Variants in MAPK10 observed in about 807,000 individuals in gnomAD.
MAPK10 encodes the protein JNK3 alpha protein kinase.
A neutral mutation model predicts 59.3 loss-of-function variants in MAPK10; 25 were observed. That is an observed-to-expected ratio of 0.42 (90% CI 0.31 to 0.59). The LOEUF (loss-of-function observed/expected upper bound fraction) is 0.59, where lower values mean the gene tolerates loss of function less well. Among genes scored for constraint, MAPK10 ranks in the 20% least tolerant of loss-of-function variants. MAPK10 has a pLI of 0.15. For synonymous variants in MAPK10, 190 were observed against 200.5 expected, an observed-to-expected ratio of 0.95 and a Z score of 0.44; for missense variants, 351 against 568.9, an observed-to-expected ratio of 0.62 and a Z score of 3.90.
Position 86,102,134 on chromosome 4 carries a change from C to G in MAPK10, c.426-102G>C, listed in dbSNP as rs1385847818. 5 of 1,011,288 alleles carry G rather than the reference C, an allele frequency of 4.9e-6. No homozygotes were observed. The Admixed American group carries it at 9.2e-5, about 19-fold the overall frequency. The allele number at this position is 1,011,288 out of a possible 1,614,324, so 62.6% of individuals were successfully genotyped here. A position where few individuals can be genotyped will look rare whatever the true frequency, so the allele number is the denominator to read the frequency against. On this transcript the variant is annotated intron_variant, in intron 6 of 13. Transcript: ENST00000641462. ...CTAACTCTGTAAGTCTTCTGAACTT[C>G]TTAGCTCTGCCTTTGACTTAATCAA...
At chr4:86,392,699 G>A (rs1163457076) in intron 1 of MAPK10, among the ~76,000 whole-genome samples, 3 of 152,138 alleles carry the variant, frequency 2.0e-5, no homozygotes, top group African/African-American at 7.2e-5. Flanking sequence ...TACATAAAAG[G>A]TGCTCAATAA....
intron 1 of MAPK10, among the ~76,000 whole-genome samples, chr4:86,380,859 TAAA>T: frequency 7.3e-6 from 1 of 137,146 alleles, no homozygotes; most frequent in South Asian, 2.4e-4. Context: ...TGGAAAGCAT[TAAA>T]AAAAAAAAAA....
intron 1 of MAPK10, among the ~76,000 whole-genome samples, chr4:86,575,998 C>CGTGTGTGTGTGT (rs56886437): frequency 3.1e-4 from 45 of 147,360 alleles, no homozygotes; most frequent in African/African-American, 5.7e-4. Context: ...TGTGTGTATG[C>CGTGTGTGTGTGT]GTGTGTGTGT....
intron 4 of MAPK10, among the ~76,000 whole-genome samples, chr4:86,132,234 G>A (rs2149142894): frequency 6.6e-6 from 1 of 152,210 alleles, no homozygotes; most frequent in Non-Finnish European, 1.5e-5. Context: ...TAAATCTTCT[G>A]TAACTTTATT....
intron 2 of MAPK10, among the ~76,000 whole-genome samples, chr4:86,311,142 T>A (rs758808591): frequency 1.2e-4 from 18 of 151,876 alleles, no homozygotes; most frequent in Non-Finnish European, 2.4e-4. Context: ...TAAGCTAATA[T>A]GCAAACAAAT....
chr4:86,018,017 C>T (rs111292866), intron 13 of MAPK10, among the ~76,000 whole-genome samples: 5 of 152,258 alleles, frequency 3.3e-5, no homozygotes, highest in South Asian at 2.1e-4. Flanking sequence ...CACCACGCCC[C>T]GCGGGCATTT....
chr4:86,186,056 G>C (rs2078155778), intron 3 of MAPK10, among the ~76,000 whole-genome samples: 1 of 152,030 alleles, frequency 6.6e-6, no homozygotes, highest in South Asian at 2.1e-4. Context: ...TAGAAAGTGA[G>C]TATAAATTTA....
At chr4:86,332,882 T>A (rs373375451) in intron 2 of MAPK10, among the ~76,000 whole-genome samples, 1 of 152,196 alleles carries the variant, frequency 6.6e-6, no homozygotes, top group Admixed American at 6.6e-5. Flanking sequence ...TTTCTGGCCA[T>A]AGGTTTTGCA....
intron 3 of MAPK10, among the ~76,000 whole-genome samples, chr4:86,188,003 T>C (rs538519608): frequency 1.1e-4 from 16 of 152,302 alleles, no homozygotes; most frequent in African/African-American, 3.6e-4. Flanking sequence ...CATGGGATGT[T>C]TGGCTTTCTG....
chr4:86,240,099 T>C lies in MAPK10; in HGVS notation c.-6-45692A>G, dbSNP rs1290242787. ...CTTCTTGATTTCTGCCTTAATTTTA[T>C]TATTTATCCAGGAGTCATTCCGGAG... On this transcript the variant is annotated intron_variant, in intron 2 of 13. Coordinates refer to ENST00000641462, the MANE Select transcript of MAPK10 (RefSeq NM_138982.4). Among the ~76,000 whole-genome samples the C allele has an allele frequency of 2.6e-5, 4 of 152,236 alleles. No homozygotes were observed. In the East Asian group the frequency reaches 7.7e-4, roughly 29 times the overall value.
At chr4:86,552,350 G>A (rs1759860017) in intron 1 of MAPK10, among the ~76,000 whole-genome samples, 1 of 151,550 alleles carries the variant, frequency 6.6e-6, no homozygotes, top group South Asian at 2.1e-4. Flanking sequence ...GAGCCCAGGA[G>A]GTGCAGGCTG....
intron 11 of MAPK10, chr4:86,031,684 T>C (rs2039054189): frequency 2.5e-6 from 1 of 405,080 alleles, no homozygotes; most frequent in East Asian, 4.0e-5. Flanking sequence ...GAGAGCTCAC[T>C]TTCCGACATC....
upstream of MAPK10, chr4:86,360,210 G>A (rs188423316): frequency 2.9e-4 from 289 of 985,880 alleles, no homozygotes; most frequent in Non-Finnish European, 3.4e-4. Flanking sequence ...CAGCTACTGT[G>A]TTTTCCGGTG....
intron 1 of MAPK10, among the ~76,000 whole-genome samples, chr4:86,395,428 T>C (rs1742780950): frequency 6.6e-6 from 1 of 152,200 alleles, no homozygotes; most frequent in African/African-American, 2.4e-5. Flanking sequence ...TCATGTAGCA[T>C]CTAAGAATTA....
At chr4:86,249,544 T>TA (rs1041749677) in intron 2 of MAPK10, among the ~76,000 whole-genome samples, 6 of 152,132 alleles carry the variant, frequency 3.9e-5, no homozygotes, top group African/African-American at 1.4e-4. Flanking sequence ...AAGAGAACTT[T>TA]AAAAAATCTT....
chr4:86,174,667 G>A (rs2075268108), intron 3 of MAPK10, among the ~76,000 whole-genome samples: 1 of 152,116 alleles, frequency 6.6e-6, no homozygotes, highest in Non-Finnish European at 1.5e-5. Flanking sequence ...CCACAGTGGT[G>A]TTTTAGCTCG....
At chr4:86,496,250 T>G (rs1449167541) in intron 1 of MAPK10, among the ~76,000 whole-genome samples, 1 of 152,130 alleles carries the variant, frequency 6.6e-6, no homozygotes, top group African/African-American at 2.4e-5. Context: ...AGAGACGAGC[T>G]TTGTGCCCCG....
chr4:86,017,375 G>A lies in MAPK10; in HGVS notation c.1253-5C>T, dbSNP rs780648816. On this transcript the variant is annotated splice_polypyrimidine_tract_variant and splice_region_variant and intron_variant, in intron 13 of 13. Coordinates refer to ENST00000641462, the MANE Select transcript of MAPK10 (RefSeq NM_138982.4). The surrounding 1 kb of genome is among the most constrained non-coding windows in gnomAD (Gnocchi z 4.4). ...CACTGCTGTTCACTGCTGCACCTGT[G>A]CTAAGAAAATGAAGACCAACATGAC... 1.2e-6 allele frequency: 2 copies of A among 1,613,756 alleles called. No homozygotes were observed. Among genetic ancestry groups the A allele is most frequent in the Non-Finnish European group, 1.7e-6 (2 of 1,179,884 alleles).
intron 4 of MAPK10, among the ~76,000 whole-genome samples, chr4:86,157,028 A>C (rs1057294260): frequency 6.6e-6 from 1 of 152,068 alleles, no homozygotes; most frequent in South Asian, 2.1e-4. Flanking sequence ...GCTTTTGTTT[A>C]ATCATGCTCA....
Sources: allele counts gnomAD v4.1 joint callset (sites outside exome capture counted in the v4.1 genomes callset), GRCh38; gene constraint gnomAD v4.1.1; non-coding constraint Gnocchi (gnomAD v3.1); transcripts MANE v1.5; gene names NCBI Gene and HGNC (gene_info 2026-07-23, HGNC 2026-07-21).